Variants in COX7B2 observed in about 807,000 individuals in gnomAD.
COX7B2 encodes the protein cytochrome c oxidase subunit 7B2, also known as cytochrome c oxidase subunit 7B2, mitochondrial.
For synonymous variants in COX7B2, 37 were observed against 32.1 expected (o/e 1.15, Z -0.51); for missense variants, 109 against 95.9 (o/e 1.14, Z -0.57).
chr4:46,802,437 T>C (rs1718705865), intron 2 of COX7B2, among the ~76,000 whole-genome samples: 1 of 152,200 alleles, frequency 6.6e-6, no homozygotes, highest in Admixed American at 6.5e-5. Flanking sequence ...GTCCAATCAA[T>C]GTTGATTTTA....
At chr4:46,802,120 A>T (rs1718687738) in intron 2 of COX7B2, among the ~76,000 whole-genome samples, 1 of 152,114 alleles carries the variant, frequency 6.6e-6, no homozygotes, top group African/African-American at 2.4e-5. Flanking sequence ...TTTCAGTTTG[A>T]AGTGATTTCC....
intron 2 of COX7B2, among the ~76,000 whole-genome samples, chr4:46,807,099 T>C (rs1719040128): frequency 6.6e-6 from 1 of 151,966 alleles, no homozygotes; most frequent in Admixed American, 6.6e-5. Flanking sequence ...CTCATACTTT[T>C]TTTTTATAAT....
At chr4:46,803,702 C>T (rs1167720118) in intron 2 of COX7B2, among the ~76,000 whole-genome samples, 1 of 147,718 alleles carries the variant, frequency 6.8e-6, no homozygotes, top group East Asian at 2.0e-4. Flanking sequence ...TGTTGTTGCT[C>T]ATTGGCTTAA....
At chr4:46,890,159 A>C (rs1269081200) in intron 1 of COX7B2, among the ~76,000 whole-genome samples, 2 of 152,148 alleles carry the variant, frequency 1.3e-5, no homozygotes, top group Non-Finnish European at 2.9e-5. Flanking sequence ...CTAAAGCTTT[A>C]TGTTACTCTA....
chr4:46,851,803 G>T (rs778543038), intron 1 of COX7B2, among the ~76,000 whole-genome samples: 16 of 152,060 alleles, frequency 1.1e-4, no homozygotes, highest in Non-Finnish European at 2.4e-4. Context: ...TGTATTTTTT[G>T]ATAAGAATAC....
At chr4:46,880,803 T>C (rs1718669946) in intron 1 of COX7B2, among the ~76,000 whole-genome samples, 1 of 118,246 alleles carries the variant, frequency 8.5e-6, no homozygotes, top group Non-Finnish European at 1.6e-5. Flanking sequence ...TGAGATCACA[T>C]GGACACAGGA....
intron 1 of COX7B2, among the ~76,000 whole-genome samples, chr4:46,864,892 C>T (rs181126172): frequency 1.1e-4 from 16 of 152,268 alleles, no homozygotes; most frequent in African/African-American, 3.6e-4. Context: ...GATCAGCCCG[C>T]CTCAGCCTCC....
intron 2 of COX7B2, among the ~76,000 whole-genome samples, chr4:46,762,402 A>G (rs1257927770): frequency 2.2e-5 from 3 of 137,644 alleles, no homozygotes; most frequent in Admixed American, 8.1e-5. Context: ...TATTTACAAT[A>G]TATAATATTA....
intron 2 of COX7B2, among the ~76,000 whole-genome samples, chr4:46,798,576 C>T (rs954386041): frequency 7.9e-5 from 12 of 152,114 alleles, no homozygotes; most frequent in Non-Finnish European, 1.8e-4. Context: ...GGAACAAGGC[C>T]CTGCCATGAT....
chr4:46,838,831 T>C (rs1254308730), intron 2 of COX7B2, among the ~76,000 whole-genome samples: 4 of 152,010 alleles, frequency 2.6e-5, no homozygotes, highest in Admixed American at 2.6e-4. Context: ...CCGAATGGCA[T>C]TTGGCCCAAC....
chr4:46,753,991 G>T (rs1715583982), intron 2 of COX7B2, among the ~76,000 whole-genome samples: 1 of 152,074 alleles, frequency 6.6e-6, no homozygotes, highest in African/African-American at 2.4e-5. Flanking sequence ...ATCAGAGAAA[G>T]GCAAATCAAA....
At chr4:46,903,331 T>C (rs1720179607) in intron 1 of COX7B2, among the ~76,000 whole-genome samples, 1 of 152,184 alleles carries the variant, frequency 6.6e-6, no homozygotes, top group African/African-American at 2.4e-5. Flanking sequence ...GGAATGGGCA[T>C]ACAGTCATGT....
chr4:46,791,310 C>G (rs931015018), intron 2 of COX7B2, among the ~76,000 whole-genome samples: 13 of 152,136 alleles, frequency 8.5e-5, no homozygotes, highest in African/African-American at 3.1e-4. Context: ...TGCCCAGCAA[C>G]AGTAACCCAC....
intron 1 of COX7B2, among the ~76,000 whole-genome samples, chr4:46,846,879 T>C (rs796321510): frequency 6.6e-6 from 1 of 152,000 alleles, no homozygotes; most frequent in African/African-American, 2.4e-5. Context: ...TCTGAGTAAC[T>C]GAGCTGGCAT....
At position 46,833,806 on chromosome 4, in the gene COX7B2, A is replaced by T. The variant is rs376742296; in HGVS notation, c.-50+11154T>A. Among the ~76,000 whole-genome samples, 37 of 152,326 alleles carry T rather than the reference A, an allele frequency of 2.4e-4. 1 individual carries two copies. Among genetic ancestry groups the T allele is most frequent in the African/African-American group, 7.9e-4 (33 of 41,582 alleles). ...ATTAATCTTTACAGATAAGGCAAAA[A>T]AAAGAAGTGTGCAAAAAAAATATGG... On this transcript the variant is annotated intron_variant, in intron 2 of 2. Coordinates refer to ENST00000355591, the MANE Select transcript of COX7B2 (RefSeq NM_130902.3).
At chr4:46,818,763 A>G (rs2109685598) in intron 2 of COX7B2, among the ~76,000 whole-genome samples, 1 of 152,364 alleles carries the variant, frequency 6.6e-6, no homozygotes, top group African/African-American at 2.4e-5. Flanking sequence ...GGCATGGCAC[A>G]CACATGAGTA....
At chr4:46,738,242 A>G (rs1247417248) in intron 2 of COX7B2, among the ~76,000 whole-genome samples, 1 of 152,090 alleles carries the variant, frequency 6.6e-6, no homozygotes, top group Non-Finnish European at 1.5e-5. Context: ...TTTTTCTTAT[A>G]CTCATGATGT....
At chr4:46,821,287 T>C (rs1335039642) in intron 2 of COX7B2, among the ~76,000 whole-genome samples, 1 of 152,214 alleles carries the variant, frequency 6.6e-6, no homozygotes, top group Non-Finnish European at 1.5e-5. Context: ...ATAGCATAGA[T>C]AATTTCTTCT....
rs565935848 is a variant in COX7B2, at chr4:46,792,351, G to A, written c.-50+52609C>T. On this transcript the variant is annotated intron_variant, in intron 2 of 2. Coordinates refer to ENST00000355591, the MANE Select transcript of COX7B2 (RefSeq NM_130902.3). ...AAATTTTACTTCTGGGTTTGTTTATGAGGGCATTTCTGGAAGGGATTACAC... is the reference window on the plus strand; with the variant it reads ...AAATTTTACTTCTGGGTTTGTTTATAAGGGCATTTCTGGAAGGGATTACAC... Among the ~76,000 whole-genome samples the A allele has an allele frequency of 2.0e-5, 3 of 152,290 alleles. No individual in the cohort carries two copies. The East Asian group carries it at 5.8e-4, about 29-fold the overall frequency.
Sources: gnomAD v4.1 joint callset for allele counts (sites outside exome capture counted in the v4.1 genomes callset) on GRCh38, gnomAD v4.1.1 for gene constraint, MANE v1.5 for transcripts, NCBI Gene and HGNC (gene_info 2026-07-23, HGNC 2026-07-21) for gene names.